DNAI7: variants seen among roughly 807,000 people sequenced by gnomAD.
DNAI7 encodes cancer susceptibility 1.
In DNAI7, 78 loss-of-function variants were observed where a neutral mutation model predicts 86.6. The ratio of observed to expected loss-of-function variants is 0.90; its 90% CI spans 0.75 to 1.09. The LOEUF (loss-of-function observed/expected upper bound fraction) is 1.09. DNAI7 is among the 50% of genes least tolerant of loss of function. DNAI7 has a pLI of 0.00. For missense variants in DNAI7, 753 were observed against 810.2 expected, an observed-to-expected ratio of 0.93 and a Z score of 0.86; for synonymous variants, 274 against 273.0, an observed-to-expected ratio of 1.00 and a Z score of -0.04.
intron 9 of DNAI7, among the ~76,000 whole-genome samples, chr12:25,126,902 G>A (rs1942211217): frequency 1.3e-5 from 2 of 152,278 alleles, no homozygotes; most frequent in Admixed American, 1.3e-4. Context: ...TTCTTATCTT[G>A]CAGGAACACT....
At chr12:25,120,598 C>T (rs896045056) in intron 11 of DNAI7, among the ~76,000 whole-genome samples, 12 of 151,556 alleles carry the variant, frequency 7.9e-5, no homozygotes, top group African/African-American at 2.4e-4. Flanking sequence ...TGGTAGCGGG[C>T]GCCTGTAGTC....
rs534863934 is a variant in DNAI7 at position 25,122,240 on chromosome 12, T to C, written c.1079-327A>G. ...TGCGAGGCTGAGGTGGGAGAATCGC[T>C]TGAGCCTAGGAGTTTAAAACGAGTC... is the stretch of plus-strand genomic sequence containing the variant. On this transcript the variant is annotated intron_variant, in intron 10 of 15. Coordinates refer to ENST00000395987, the MANE Select transcript of DNAI7 (RefSeq NM_018272.5). Among the ~76,000 whole-genome samples the C allele has an allele frequency of 3.2e-3, 482 of 152,178 alleles. 12 individuals are homozygous for C. Among genetic ancestry groups the C allele is most frequent in the Non-Finnish European group, 1.0e-3 (68 of 67,968 alleles).
intron 2 of DNAI7, among the ~76,000 whole-genome samples, chr12:25,181,836 A>G (rs1949529941): frequency 6.6e-6 from 1 of 152,152 alleles, no homozygotes; most frequent in Non-Finnish European, 1.5e-5. Flanking sequence ...ATCTCACACT[A>G]GTCAGAATGT....
intron 2 of DNAI7, among the ~76,000 whole-genome samples, chr12:25,164,747 C>T (rs946297616): frequency 6.6e-6 from 1 of 152,116 alleles, no homozygotes; most frequent in South Asian, 2.1e-4. Flanking sequence ...TCAGTCCCAA[C>T]CCCACGCGTC....
chr12:25,160,796 A>T (rs1307717442), intron 3 of DNAI7, among the ~76,000 whole-genome samples: 1 of 150,216 alleles, frequency 6.7e-6, no homozygotes, highest in Non-Finnish European at 1.5e-5. Flanking sequence ...ATTTAAAACA[A>T]TTTTTTTTTT....
intron 3 of DNAI7, among the ~76,000 whole-genome samples, chr12:25,160,275 G>A (rs1236912207): frequency 6.6e-6 from 1 of 152,160 alleles, no homozygotes; most frequent in African/African-American, 2.4e-5. Context: ...TTGAATTTTA[G>A]ATGAACAATA....
At chr12:25,136,692 G>C (rs1488893523) in intron 9 of DNAI7, among the ~76,000 whole-genome samples, 1 of 152,126 alleles carries the variant, frequency 6.6e-6, no homozygotes, top group African/African-American at 2.4e-5. Context: ...AAAATCTCCA[G>C]AGAAATAGAT....
At chr12:25,155,230 C>G in intron 5 of DNAI7, 81 bp downstream of exon 5, 1 of 640,708 alleles carries the variant, frequency 1.6e-6, no homozygotes, top group Non-Finnish European at 2.6e-6. Context: ...AATTTAGTTT[C>G]TTTTCTTGGC....
rs564244172 is a variant in DNAI7, at chr12:25,131,711, G to A, written c.1003-8425C>T. Among the ~76,000 whole-genome samples, 5 of 152,232 alleles carry A rather than the reference G, an allele frequency of 3.3e-5. No individual in the cohort carries two copies. The East Asian group carries it at 9.7e-4, about 29-fold the overall frequency. Reference sequence around the variant, plus strand: ...ACAGGATAACTTTGAGGAGCATAGTGGTTGGATTGCCCAATTTATGTAGGC... The same window carrying A: ...ACAGGATAACTTTGAGGAGCATAGTAGTTGGATTGCCCAATTTATGTAGGC... On this transcript the variant is annotated intron_variant, in intron 9 of 15. Coordinates refer to ENST00000395987, the MANE Select transcript of DNAI7 (RefSeq NM_018272.5).
At chr12:25,135,639 G>A (rs1251690973) in intron 9 of DNAI7, among the ~76,000 whole-genome samples, 1 of 152,132 alleles carries the variant, frequency 6.6e-6, no homozygotes, top group Non-Finnish European at 1.5e-5. Context: ...CTGGTTGCCT[G>A]GATATAAACT....
intron 9 of DNAI7, among the ~76,000 whole-genome samples, chr12:25,133,551 A>C (rs1592313750): frequency 6.6e-6 from 1 of 152,202 alleles, no homozygotes; most frequent in African/African-American, 2.4e-5. Context: ...CCTTCAGCAC[A>C]GAAGATGGCT....
chr12:25,163,520 C>T (rs764344051), intron 2 of DNAI7, among the ~76,000 whole-genome samples: 16 of 152,184 alleles, frequency 1.1e-4, no homozygotes, highest in South Asian at 2.1e-4. Flanking sequence ...TATCTCCCTT[C>T]GCTGACTCTC....
chr12:25,179,543 G>A (rs1949300197), intron 2 of DNAI7, among the ~76,000 whole-genome samples: 1 of 151,972 alleles, frequency 6.6e-6, no homozygotes, highest in African/African-American at 2.4e-5. Flanking sequence ...TATATTTCAA[G>A]GCTTTGTAAG....
In DNAI7 at chr12:25,142,156, C is replaced by T. The variant is rs1213781019; in HGVS notation, c.1002+2209G>A. Among the ~76,000 whole-genome samples the T allele has an allele frequency of 1.3e-5, 2 of 152,172 alleles. 1 individual carries two copies. Among genetic ancestry groups the T allele is most frequent in the Admixed American group, 1.3e-4 (2 of 15,284 alleles). The stretch of plus-strand genomic sequence containing the variant: ...TGAGGTATATGTGTACCATGGAATA[C>T]CACTCAGCCATAAAAGAGAATGAAA... On this transcript the variant is annotated intron_variant, in intron 9 of 15. Transcript: ENST00000395987.
chr12:25,107,798 A>G (rs780933594), downstream of DNAI7: 8 of 1,599,928 alleles, frequency 5.0e-6, no homozygotes, highest in Non-Finnish European at 6.8e-6. Context: ...ACCAAATTCT[A>G]TTTGTGTTTT....
intron 6 of DNAI7, 54 bp from the exon 7 acceptor site, chr12:25,149,828 G>T: frequency 9.2e-7 from 1 of 1,092,222 alleles, no homozygotes; most frequent in Non-Finnish European, 1.3e-6. Flanking sequence ...TCAAGGACAA[G>T]TGAAAAAGGG....
intron 9 of DNAI7, among the ~76,000 whole-genome samples, chr12:25,143,470 G>A (rs866538938): frequency 4.0e-5 from 6 of 150,958 alleles, no homozygotes; most frequent in Non-Finnish European, 7.4e-5. Context: ...GGCTGGTCTC[G>A]AACTCCTGAC....
intron 2 of DNAI7, among the ~76,000 whole-genome samples, chr12:25,162,762 C>T (rs1240669893): frequency 6.6e-6 from 1 of 152,240 alleles, no homozygotes; most frequent in Non-Finnish European, 1.5e-5. Flanking sequence ...TATACCTCCA[C>T]TTCCTCTATC....
chr12:25,162,272 A>G (rs1437421079), intron 2 of DNAI7, among the ~76,000 whole-genome samples: 1 of 152,198 alleles, frequency 6.6e-6, no homozygotes, highest in Non-Finnish European at 1.5e-5. Flanking sequence ...AGGAAAGAGG[A>G]GAGAGTCTCA....
Sources: gnomAD v4.1 joint callset for allele counts (sites outside exome capture counted in the v4.1 genomes callset) on GRCh38, gnomAD v4.1.1 for gene constraint, MANE v1.5 for transcripts, NCBI Gene and HGNC (gene_info 2026-07-23, HGNC 2026-07-21) for gene names.